Variants in SSUH2 observed in about 807,000 individuals in gnomAD.
SSUH2 encodes the protein ssu-2 homolog.
In SSUH2, 47 loss-of-function variants were observed where a neutral mutation model predicts 55.3. That is an observed-to-expected ratio of 0.85 (90% CI 0.67 to 1.08). The LOEUF (loss-of-function observed/expected upper bound fraction) is 1.08. SSUH2 is among the 50% of genes least tolerant of loss of function. The pLI, the probability that SSUH2 is intolerant of heterozygous loss-of-function variation, is 0.00. For missense variants in SSUH2, 535 were observed against 490.7 expected, an observed-to-expected ratio of 1.09 and a Z score of -0.85; for synonymous variants, 212 against 191.5, an observed-to-expected ratio of 1.11 and a Z score of -0.89.
At position 8,635,392 on chromosome 3, in the gene SSUH2, G is replaced by C. The variant is rs2125205203; in HGVS notation, c.128-11C>G. The C allele has an allele frequency of 1.3e-6, 2 of 1,532,892 alleles. No individual in the cohort carries two copies. The highest frequency in any genetic ancestry group is 4.9e-5 in the East Asian group (2 of 40,894). 95.0% of individuals were successfully genotyped at this position (1,532,892 alleles called of 1,614,324 possible). On this transcript the variant is annotated splice_polypyrimidine_tract_variant and intron_variant, in intron 2 of 11. Transcript: ENST00000544814. The stretch of plus-strand genomic sequence containing the variant: ...AGAATATCTGTCCTCCTGGAGAAGG[G>C]AAGAGTCAGGGGCTGGACAGCCCAG...
chr3:8,634,247 C>A, intron 3 of SSUH2: 1 of 621,966 alleles, frequency 1.6e-6, no homozygotes, highest in Non-Finnish European at 2.5e-6. Context: ...CCCAGCCAGG[C>A]ACTGGCCCAG....
rs138323827 is a variant in SSUH2, at chr3:8,632,105, C to T, written c.344G>A (p.Arg115His). The T allele has an allele frequency of 1.5e-4, 249 of 1,613,734 alleles. 1 individual carries two copies. In the African/African-American group the frequency reaches 3.0e-3, roughly 19 times the overall value. Residue 115 changes from arginine (R) to histidine (H), a missense_variant, in exon 5 of 12, where the codon CGT becomes CAT. Physicochemically the swap from Arg to His is conservative, Grantham distance 29. Transcript: ENST00000544814. ...CCTGGATTCACTAAAGGTCTCCAGA[C>T]GGTACTAAAAGGAAAAAAACAGCAT... ...ELKRQTLCRYRLETFSESRIS... is the reference protein window; with the variant it reads ...ELKRQTLCRYHLETFSESRIS...
intron 9 of SSUH2, 95 bp downstream of exon 9, chr3:8,626,134 G>T: frequency 2.0e-6 from 2 of 984,220 alleles, no homozygotes; most frequent in Non-Finnish European, 3.2e-6. Context: ...CACTGTGAAA[G>T]CCCCAACCAA....
chr3:8,632,478 A>G (rs1295920783), intron 4 of SSUH2, among the ~76,000 whole-genome samples: 1 of 152,226 alleles, frequency 6.6e-6, no homozygotes, highest in Non-Finnish European at 1.5e-5. Flanking sequence ...TATCTCCCTG[A>G]TATCAAGATC....
Position 8,626,164 on chromosome 3 carries a change from G to A in SSUH2, c.767+65C>T, listed in dbSNP as rs6777615. ...AACCAACCACAGTTTCTCTGCAGAA[G>A]CCAGTCCAGGGCTAAGTCCCTCAGC... On this transcript the variant is annotated intron_variant, in intron 9 of 11. Transcript: ENST00000544814. 13,821 of 1,328,068 alleles carry A rather than the reference G, an allele frequency of 0.01. 1,079 individuals are homozygous for A. In the African/African-American group the frequency reaches 0.17, roughly 17 times the overall value. 82.3% of individuals were successfully genotyped at this position (1,328,068 alleles called of 1,614,324 possible).
intron 7 of SSUH2, among the ~76,000 whole-genome samples, chr3:8,654,507 C>A: frequency 6.6e-6 from 1 of 152,258 alleles, no homozygotes; most frequent in East Asian, 1.9e-4. Context: ...TACTTCCCTG[C>A]AGTTACACTG....
rs56192738 is a variant in SSUH2 at position 8,678,576 on chromosome 3, A to AGGCG, written c.-901+1128_-901+1129insCGCC. ...TTAGGACCCCAATCACAGAGGGGGG[A>AGGCG]ACACCCCCCGCGAGGCAGGGACTGA... is the stretch of plus-strand genomic sequence containing the variant. On this transcript the variant is annotated intron_variant, in intron 2 of 18. Transcript: ENST00000317371. 9.0e-5 allele frequency among the ~76,000 whole-genome samples: 8 copies of AGGCG among 88,810 alleles called. 1 individual carries two copies. Among genetic ancestry groups the AGGCG allele is most frequent in the African/African-American group, 2.6e-4 (6 of 22,902 alleles). The allele number at this position is 88,810 out of a possible 152,430, so 58.3% of individuals were successfully genotyped here.
intron 6 of SSUH2, among the ~76,000 whole-genome samples, chr3:8,661,532 C>G (rs1703487998): frequency 6.6e-6 from 1 of 152,200 alleles, no homozygotes; most frequent in African/African-American, 2.4e-5. Context: ...TACCTGCAAG[C>G]CAACAAGTCA....
At chr3:8,645,633 T>C (rs1701582703), upstream of SSUH2, among the ~76,000 whole-genome samples, 1 of 152,138 alleles carries the variant, frequency 6.6e-6, no homozygotes, top group Non-Finnish European at 1.5e-5. Flanking sequence ...GCCAGGGTGA[T>C]GAAACTGCCC....
intron 4 of SSUH2, among the ~76,000 whole-genome samples, chr3:8,633,124 A>C (rs933473641): frequency 6.7e-6 from 1 of 149,060 alleles, no homozygotes; most frequent in Non-Finnish European, 1.5e-5. Context: ...CAAGCCTGTC[A>C]GTGGTGTTTG....
intron 1 of SSUH2, among the ~76,000 whole-genome samples, chr3:8,640,742 G>C (rs1342398618): frequency 6.6e-6 from 1 of 152,178 alleles, no homozygotes; most frequent in Admixed American, 6.5e-5. Context: ...ATTTGGGGAA[G>C]CAAATGTTCA....
chr3:8,641,295 T>C (rs542128468), intron 1 of SSUH2, among the ~76,000 whole-genome samples: 4 of 152,336 alleles, frequency 2.6e-5, no homozygotes, highest in Admixed American at 6.5e-5. Flanking sequence ...GGTAGATCAA[T>C]GTTTTATTCA....
chr3:8,668,939 A>G (rs1401413565), intron 5 of SSUH2, among the ~76,000 whole-genome samples: 1 of 151,356 alleles, frequency 6.6e-6, no homozygotes, highest in Non-Finnish European at 1.5e-5. Flanking sequence ...ACAGAGAGAG[A>G]AAGAGAGTGG....
Position 8,630,821 on chromosome 3 carries a change from T to C in SSUH2, c.509A>G (p.His170Arg), listed in dbSNP as rs1021690148. Residue 170 changes from histidine to arginine, a missense_variant, in exon 6 of 12, where the codon CAC (histidine) becomes CGC (arginine). His to Arg is a conservative substitution (Grantham distance 29, BLOSUM62 0). Transcript: ENST00000544814. ...TCGTATTACCTTGACCAGTGACGAG[T>C]GAGGGACCTGGAACTTCCTGGTGTC... ...QEDTRKFQVP[H>R]SSLVKECHKC... 3.4e-6 allele frequency: 5 copies of C among 1,480,840 alleles called. No homozygotes were observed. The African/African-American group carries it at 5.8e-5, about 17-fold the overall frequency. 91.7% of individuals were successfully genotyped at this position (1,480,840 alleles called of 1,614,324 possible).
chr3:8,630,721 G>A, intron 6 of SSUH2, 84 bp downstream of exon 6: 2 of 1,277,954 alleles, frequency 1.6e-6, no homozygotes, highest in Non-Finnish European at 2.0e-6. Context: ...CCCTTCAAAG[G>A]ATGAGTTTGA....
chr3:8,619,725 G>T lies in SSUH2; in HGVS notation c.*143C>A. 1.1e-6 allele frequency: 1 copy of T among 908,204 alleles called. No individual in the cohort carries two copies. 56.3% of individuals were successfully genotyped at this position (908,204 alleles called of 1,614,324 possible). ...CTGTATAAGGGGTTGGAGCTTGATAGATGATAAGCTGGTTTTTCTGGAAGG... is the reference window on the plus strand; with the variant it reads ...CTGTATAAGGGGTTGGAGCTTGATATATGATAAGCTGGTTTTTCTGGAAGG... On this transcript the variant is annotated 3_prime_UTR_variant, in exon 12 of 12. Coordinates refer to ENST00000544814, the MANE Select transcript of SSUH2 (RefSeq NM_001256748.3).
chr3:8,640,365 G>C (rs1166885336), intron 1 of SSUH2, among the ~76,000 whole-genome samples: 3 of 152,072 alleles, frequency 2.0e-5, no homozygotes, highest in Admixed American at 1.3e-4. Context: ...GTACTTCCTA[G>C]CAAGACCAGA....
At chr3:8,658,479 G>T (rs774556792) in intron 7 of SSUH2, among the ~76,000 whole-genome samples, 2 of 152,220 alleles carry the variant, frequency 1.3e-5, no homozygotes, top group African/African-American at 2.4e-5. Flanking sequence ...CTCCATTGGC[G>T]ACTGGCTTGG....
rs56115124 is a variant in SSUH2, at chr3:8,678,664, C to A, written c.-901+1041G>T. On this transcript the variant is annotated intron_variant, in intron 2 of 18. Coordinates refer to the SSUH2 transcript ENST00000317371. ...CATCGCAGTGGGGGGAGGCACCCCC[C>A]GCGAGGCGGGGATTGAGAGCCAGCC... is the stretch of plus-strand genomic sequence containing the variant. Among the ~76,000 whole-genome samples the A allele has an allele frequency of 9.0e-4, 49 of 54,146 alleles. 1 individual carries two copies. Among genetic ancestry groups the A allele is most frequent in the Non-Finnish European group, 1.6e-3 (41 of 25,392 alleles). The allele number at this position is 54,146 out of a possible 152,430, so 35.5% of individuals were successfully genotyped here. A position where few individuals can be genotyped will look rare whatever the true frequency, so the allele number is the denominator to read the frequency against.
Sources: gnomAD v4.1 joint callset for allele counts (sites outside exome capture counted in the v4.1 genomes callset) on GRCh38, gnomAD v4.1.1 for gene constraint, MANE v1.5 for transcripts, NCBI Gene and HGNC (gene_info 2026-07-23, HGNC 2026-07-21) for gene names.